Variants in LRFN2 observed in about 807,000 individuals in gnomAD.
LRFN2 encodes leucine rich repeat and fibronectin type III domain containing 2, also known as leucine-rich repeat and fibronectin type-III domain-containing protein 2.
A neutral mutation model predicts 37.3 loss-of-function variants in LRFN2; 18 were observed. The observed-to-expected ratio is 0.48, with a 90% CI of 0.33 to 0.72. The LOEUF (loss-of-function observed/expected upper bound fraction) is 0.72. LRFN2 is among the 30% of genes least tolerant of loss of function. The pLI is 0.02. For synonymous variants in LRFN2, 556 were observed against 466.6 expected (o/e 1.19, Z -2.47); for missense variants, 1,006 against 1,060.7 (o/e 0.95, Z 0.72).
chr6:40,466,034 G>C (rs538001836), intron 1 of LRFN2, among the ~76,000 whole-genome samples: 6 of 152,312 alleles, frequency 3.9e-5, no homozygotes, highest in African/African-American at 1.4e-4. Flanking sequence ...GCAAGAAAGA[G>C]AAAGTGGTAC....
At chr6:40,510,127 G>C (rs542774922) in intron 1 of LRFN2, among the ~76,000 whole-genome samples, 1 of 150,340 alleles carries the variant, frequency 6.7e-6, no homozygotes, top group African/African-American at 2.5e-5. Context: ...GCGTGCATGC[G>C]GGTATGCTAG....
intron 1 of LRFN2, among the ~76,000 whole-genome samples, chr6:40,554,995 C>T (rs1299772096): frequency 1.3e-5 from 2 of 152,228 alleles, no homozygotes; most frequent in Non-Finnish European, 2.9e-5. Context: ...TCCATGCATG[C>T]TGGTGGAAAG....
At chr6:40,570,164 C>T (rs892242623) in intron 1 of LRFN2, among the ~76,000 whole-genome samples, 5 of 152,192 alleles carry the variant, frequency 3.3e-5, no homozygotes, top group African/African-American at 1.2e-4. Flanking sequence ...TCACCATTCT[C>T]TCTCTAACCA....
chr6:40,484,584 T>C (rs1262170605), intron 1 of LRFN2, among the ~76,000 whole-genome samples: 2 of 152,194 alleles, frequency 1.3e-5, no homozygotes, highest in African/African-American at 4.8e-5. Context: ...AGAGTATACT[T>C]GGAGGGGCAG....
intron 2 of LRFN2, among the ~76,000 whole-genome samples, chr6:40,403,383 A>G (rs1762780152): frequency 1.3e-5 from 2 of 152,188 alleles, no homozygotes. Flanking sequence ...GAGGGCTCCA[A>G]GGATCAGAAG....
In LRFN2 at chr6:40,582,665, C is replaced by T. The variant is rs955520974; in HGVS notation, c.-19+4276G>A. Among the ~76,000 whole-genome samples, 4 of 151,128 alleles carry T rather than the reference C, an allele frequency of 2.6e-5. No individual in the cohort carries two copies. In the South Asian group the frequency reaches 6.3e-4, roughly 24 times the overall value. ...AAGCCTTGGGTCTTCTCTTCAGGGCCCCCATACCTTCTATACAACCCTCAG... is the reference window on the plus strand; with the variant it reads ...AAGCCTTGGGTCTTCTCTTCAGGGCTCCCATACCTTCTATACAACCCTCAG... On this transcript the variant is annotated intron_variant, in intron 1 of 2. Transcript: ENST00000338305.
intron 1 of LRFN2, among the ~76,000 whole-genome samples, chr6:40,452,549 C>T (rs548705321): frequency 2.0e-5 from 3 of 152,246 alleles, no homozygotes; most frequent in East Asian, 3.9e-4. Flanking sequence ...AGCTTGTGGC[C>T]GTGTGATCCT....
At chr6:40,487,959 G>C (rs566821658) in intron 1 of LRFN2, among the ~76,000 whole-genome samples, 2 of 152,166 alleles carry the variant, frequency 1.3e-5, no homozygotes, top group South Asian at 4.1e-4. Flanking sequence ...CCTCTGGCTG[G>C]TGGGCAGGGT....
Position 40,587,308 on chromosome 6 carries a change from G to C in LRFN2, c.-386C>G, listed in dbSNP as rs1767521606. 6.6e-6 allele frequency: 1 copy of C among 152,126 alleles called. No homozygotes were observed. Among genetic ancestry groups the C allele is most frequent in the Non-Finnish European group, 1.5e-5 (1 of 68,024 alleles). 9.4% of individuals were successfully genotyped at this position (152,126 alleles called of 1,614,324 possible). A position where few individuals can be genotyped will look rare whatever the true frequency, so the allele number is the denominator to read the frequency against. On this transcript the variant is annotated 5_prime_UTR_variant, in exon 1 of 3. Coordinates refer to ENST00000338305, the MANE Select transcript of LRFN2 (RefSeq NM_020737.3). The surrounding 1 kb of genome is among the most constrained non-coding windows in gnomAD (Gnocchi z 4.2). ...AGGAACCTCGGGCATCTTGGAATGT[G>C]GGGTGTCTTCAAGTTCAGACGAGCC...
intron 1 of LRFN2, among the ~76,000 whole-genome samples, chr6:40,478,520 G>A (rs975136728): frequency 6.6e-6 from 1 of 152,202 alleles, no homozygotes; most frequent in Non-Finnish European, 1.5e-5. Context: ...CAGTCACACA[G>A]CTGGAAAGCA....
chr6:40,585,139 T>C (rs1308302184), intron 1 of LRFN2, among the ~76,000 whole-genome samples: 1 of 152,122 alleles, frequency 6.6e-6, no homozygotes, highest in Non-Finnish European at 1.5e-5. Context: ...AGACAGGAGA[T>C]GGAACTGGGA....
chr6:40,462,549 G>C (rs949872282), intron 1 of LRFN2, among the ~76,000 whole-genome samples: 3 of 152,262 alleles, frequency 2.0e-5, no homozygotes, highest in Non-Finnish European at 4.4e-5. Context: ...CTGACATAGA[G>C]GCATCTAAAT....
chr6:40,401,910 C>G (rs1762748879), intron 2 of LRFN2, among the ~76,000 whole-genome samples: 2 of 152,140 alleles, frequency 1.3e-5, no homozygotes, highest in African/African-American at 4.8e-5. Context: ...AGGGCCACAT[C>G]AGGCTTCCCC....
At chr6:40,445,310 C>T (rs1364851382) in intron 1 of LRFN2, among the ~76,000 whole-genome samples, 1 of 152,216 alleles carries the variant, frequency 6.6e-6, no homozygotes, top group Non-Finnish European at 1.5e-5. Context: ...AGCTTCCACA[C>T]CTTGTTCAAT....
chr6:40,478,715 G>C (rs746647005), intron 1 of LRFN2, among the ~76,000 whole-genome samples: 2 of 152,210 alleles, frequency 1.3e-5, no homozygotes, highest in African/African-American at 2.4e-5. Context: ...TTTCCTTCCT[G>C]TCTGACCATG....
rs190984934 is a variant in LRFN2, at chr6:40,574,113, G to T, written c.-19+12828C>A. Among the ~76,000 whole-genome samples, 3 of 152,302 alleles carry T rather than the reference G, an allele frequency of 2.0e-5. No homozygotes were observed. The East Asian group carries it at 5.8e-4, about 29-fold the overall frequency. ...CTTCAGTTTTCACATGTGCAGGGAGGTAATACCTACTTTGCAAAAGTAGTT... is the reference window on the plus strand; with the variant it reads ...CTTCAGTTTTCACATGTGCAGGGAGTTAATACCTACTTTGCAAAAGTAGTT... On this transcript the variant is annotated intron_variant, in intron 1 of 2. Coordinates refer to ENST00000338305, the MANE Select transcript of LRFN2 (RefSeq NM_020737.3).
At chr6:40,579,613 A>AACAC (rs34819147) in intron 1 of LRFN2, among the ~76,000 whole-genome samples, 19,754 of 144,958 alleles carry the variant, frequency 0.14, 1,462 homozygotes, top group Middle Eastern at 0.25. Flanking sequence ...AACACACACA[A>AACAC]ACACACACAC....
At chr6:40,517,043 C>T (rs1242001085) in intron 1 of LRFN2, among the ~76,000 whole-genome samples, 1 of 152,136 alleles carries the variant, frequency 6.6e-6, no homozygotes, top group Non-Finnish European at 1.5e-5. Context: ...CTTTCCCATT[C>T]TAGAAATCAG....
intron 2 of LRFN2, among the ~76,000 whole-genome samples, chr6:40,424,707 G>T (rs1356465918): frequency 6.6e-6 from 1 of 152,120 alleles, no homozygotes; most frequent in African/African-American, 2.4e-5. Context: ...TCCTCTGCCT[G>T]TGGGGACTCA....
Sources: gnomAD v4.1 joint callset for allele counts (sites outside exome capture counted in the v4.1 genomes callset) on GRCh38, gnomAD v4.1.1 for gene constraint, Gnocchi (gnomAD v3.1) non-coding constraint, MANE v1.5 for transcripts, NCBI Gene and HGNC (gene_info 2026-07-23, HGNC 2026-07-21) for gene names.